The following RNF14 variants were observed in gnomAD, a reference collection of about 807,000 sequenced individuals.
RNF14 encodes ring finger protein 14.
Under a neutral mutation model 52.6 loss-of-function variants are expected in RNF14, and 26 were observed. That is an observed-to-expected ratio of 0.49 (90% CI 0.36 to 0.69). RNF14 has a LOEUF of 0.69. Among genes scored for constraint, RNF14 ranks in the 30% least tolerant of loss-of-function variants. The pLI, the probability that RNF14 is intolerant of heterozygous loss-of-function variation, is 0.00. For synonymous variants in RNF14, 194 were observed against 202.0 expected (o/e 0.96, Z 0.34); for missense variants, 404 against 560.4 (o/e 0.72, Z 2.82).
chr5:141,963,812 G>A (rs1050317935), upstream of RNF14, among the ~76,000 whole-genome samples: 1 of 152,144 alleles, frequency 6.6e-6, no homozygotes, highest in Non-Finnish European at 1.5e-5. Flanking sequence ...GGCTCTTGCA[G>A]GAAGGAAAAT....
chr5:141,978,347 C>A lies in RNF14; in HGVS notation c.351C>A (p.His117Gln), dbSNP rs758142751. The change falls in exon 5 of 9, where the codon CAC becomes CAA. Residue 117 changes from histidine (H) to glutamine (Q), a missense_variant. His to Gln is a conservative substitution (Grantham distance 24). Coordinates refer to ENST00000394520, the MANE Select transcript of RNF14 (RefSeq NM_004290.5). The part of the protein sequence containing the change: ...CKHLDNLWEE[H>Q]RGSVVLFAWM... Reference sequence around the variant, plus strand: ...ACTTAGACAACCTATGGGAAGAACACCGTGGCAGCGTGGTCCTGTTTGCCT... The same window carrying A: ...ACTTAGACAACCTATGGGAAGAACAACGTGGCAGCGTGGTCCTGTTTGCCT... 8.7e-6 allele frequency: 14 copies of A among 1,613,034 alleles called. No homozygotes were observed. Among genetic ancestry groups the A allele is most frequent in the Middle Eastern group, 1.6e-4 (1 of 6,080 alleles).
chr5:141,955,217 G>A (rs61737138), upstream of RNF14: 2 of 1,614,194 alleles, frequency 1.2e-6, no homozygotes, highest in East Asian at 2.2e-5. This position sits in a 1 kb window ranked among gnomAD's most constrained non-coding sequence, Gnocchi z 5.5. Flanking sequence ...ACCTTCAGAG[G>A]CCTGGAACGT....
Position 141,978,808 on chromosome 5 carries a change from C to T in RNF14, c.812C>T (p.Pro271Leu), listed in dbSNP as rs767213510. The T allele has an allele frequency of 5.0e-6, 8 of 1,613,774 alleles. No individual in the cohort carries two copies. The South Asian group carries it at 6.6e-5, about 13-fold the overall frequency. Residue 271 changes from proline (P) to leucine (L), a missense_variant, in exon 5 of 9, where the codon CCT (proline) becomes CTT (leucine). Physicochemically the swap from Pro to Leu is moderately conservative, Grantham distance 98. Transcript: ENST00000394520. The part of the protein sequence containing the change: ...QCLNCPEPKC[P>L]SVATPGQVKE... ...CTCAACTGCCCAGAACCAAAGTGCC[C>T]TTCGGTGGCCACTCCTGGTCAGGTA...
upstream of RNF14, chr5:141,955,330 A>G (rs771321515): frequency 9.3e-6 from 15 of 1,613,466 alleles, no homozygotes; most frequent in South Asian, 1.3e-4. The surrounding 1 kb of genome is among the most constrained non-coding windows in gnomAD (Gnocchi z 5.5). Context: ...GTCTTGCAGC[A>G]CCTCTCGGCT....
chr5:141,959,423 T>C (rs1178477993), intron 1 of RNF14, among the ~76,000 whole-genome samples: 1 of 152,086 alleles, frequency 6.6e-6, no homozygotes, highest in African/African-American at 2.4e-5. Flanking sequence ...CTTCTTATTG[T>C]GCCCTTCAGT....
At chr5:141,981,717 G>A (rs1170522444) in intron 6 of RNF14, 1 of 152,032 alleles carries the variant, frequency 6.6e-6, no homozygotes, top group Non-Finnish European at 1.5e-5. Context: ...ACGAGGTGTG[G>A]TGGTGCACAT....
At chr5:141,957,950 T>G (rs1753215944), upstream of RNF14, 1 of 1,398,170 alleles carries the variant, frequency 7.2e-7, no homozygotes, top group African/African-American at 1.4e-5. This position sits in a 1 kb window ranked among gnomAD's most constrained non-coding sequence, Gnocchi z 4.3. Context: ...AGCCCCGTGC[T>G]CCTTCCCCCA....
upstream of RNF14, chr5:141,958,082 G>T (rs1240814551): frequency 8.9e-6 from 5 of 558,798 alleles, no homozygotes; most frequent in Non-Finnish European, 1.6e-5. Flanking sequence ...AATTGCCAGG[G>T]GAGACCCCCT....
chr5:141,987,254 G>A (rs1274884290), intron 8 of RNF14, among the ~76,000 whole-genome samples: 3 of 152,178 alleles, frequency 2.0e-5, no homozygotes, highest in Admixed American at 2.0e-4. Context: ...GTTTCTCTGG[G>A]GTTCCCTTGG....
intron 1 of RNF14, among the ~76,000 whole-genome samples, chr5:141,970,137 T>A (rs1312300500): frequency 1.3e-5 from 2 of 152,210 alleles, no homozygotes; most frequent in Admixed American, 1.3e-4. Flanking sequence ...TTGATAGGAT[T>A]CTCCGTAGCC....
intron 8 of RNF14, 30 bp from the exon 9 acceptor site, chr5:141,987,703 A>G: frequency 6.2e-7 from 1 of 1,608,964 alleles, no homozygotes; most frequent in East Asian, 2.2e-5. Context: ...GTTCAAGTGT[A>G]TAAAAATGTA....
At chr5:141,955,652 C>T (rs1412540453), upstream of RNF14, 1 of 1,613,988 alleles carries the variant, frequency 6.2e-7, no homozygotes, top group Non-Finnish European at 8.5e-7. The surrounding 1 kb of genome is among the most constrained non-coding windows in gnomAD (Gnocchi z 5.5). Flanking sequence ...ATGAACAAAG[C>T]CAGGATCAAC....
upstream of RNF14, chr5:141,956,483 C>T (rs575958518): frequency 2.5e-6 from 4 of 1,614,202 alleles, no homozygotes; most frequent in South Asian, 4.4e-5. Context: ...AACACAGGTG[C>T]ATTGTCGTTG....
Position 141,984,911 on chromosome 5 carries a change from C to T in RNF14, c.1345C>T (p.Pro449Ser), listed in dbSNP as rs1213396099. The change falls in exon 8 of 9, where the codon CCT becomes TCT. Residue 449 changes from proline (P) to serine (S), a missense_variant. Coordinates refer to ENST00000394520, the MANE Select transcript of RNF14 (RefSeq NM_004290.5). ...RANPYKHFNDPGSPCFNRLFY... is the reference protein window; with the variant it reads ...RANPYKHFNDSGSPCFNRLFY... Reference sequence around the variant, plus strand: ...AAACCCTTACAAACATTTCAATGACCCTGGTTCACCATGTTTTAACCGGTA... The same window carrying T: ...AAACCCTTACAAACATTTCAATGACTCTGGTTCACCATGTTTTAACCGGTA... 1.2e-6 allele frequency: 2 copies of T among 1,613,796 alleles called. No individual in the cohort carries two copies. The highest frequency in any genetic ancestry group is 2.2e-5 in the East Asian group (1 of 44,846).
Position 141,978,301 on chromosome 5 carries a change from A to G in RNF14, c.307-2A>G. 6.4e-7 allele frequency: 1 copy of G among 1,563,640 alleles called. No individual in the cohort carries two copies. On this transcript the variant is annotated splice_acceptor_variant, in intron 4 of 8. Transcript: ENST00000394520. LOFTEE classifies it high-confidence loss of function. ...CCAACATCTTCATGTGTTTTCTCCT[A>G]GCTATCTGCTCTATGCAAGCACTTA...
chr5:141,957,677 G>A (rs1395450393), upstream of RNF14: 16 of 1,614,012 alleles, frequency 9.9e-6, no homozygotes, highest in Middle Eastern at 1.6e-4. This position sits in a 1 kb window ranked among gnomAD's most constrained non-coding sequence, Gnocchi z 4.3. Context: ...GCTTGCCTCC[G>A]CCTCTCCTCC....
chr5:141,969,658 G>A (rs1338535006), intron 1 of RNF14: 1 of 152,290 alleles, frequency 6.6e-6, no homozygotes, highest in Admixed American at 6.5e-5. Flanking sequence ...CTGAAATCTT[G>A]TAGGGTAGGT....
rs116346879 is a variant in RNF14, at chr5:141,977,714, T to C, written c.307-589T>C. ...AACCAGGATCTGATATAAGCCCAGA[T>C]TGCTTACTTAAAAGCAGCTTGTAAA... On this transcript the variant is annotated intron_variant, in intron 4 of 8. Transcript: ENST00000394520. Among the ~76,000 whole-genome samples, 1,470 of 152,344 alleles carry C rather than the reference T, an allele frequency of 9.6e-3. 16 individuals carry two copies. Among genetic ancestry groups the C allele is most frequent in the African/African-American group, 0.028 (1,170 of 41,582 alleles).
Position 141,973,593 on chromosome 5 carries a change from C to A in RNF14, c.5C>A (p.Ser2Ter). 6.2e-7 allele frequency: 1 copy of A among 1,608,014 alleles called. No individual in the cohort carries two copies. The highest frequency in any genetic ancestry group is 8.5e-7 in the Non-Finnish European group (1 of 1,178,360). The change falls in exon 3 of 9, where the codon TCG becomes TAG. Residue 2 changes from serine (S) to a stop codon, truncating the protein, a stop_gained. Coordinates refer to ENST00000394520, the MANE Select transcript of RNF14 (RefSeq NM_004290.5). LOFTEE classifies it high-confidence loss of function. ...TTTTAATGTTTTCAGGTCCTTATGT[C>A]GTCAGAAGATCGAGAAGCTCAGGAG... M[S>*]SEDREAQEDE... is the part of the protein sequence containing the mutation.
Sources: allele counts gnomAD v4.1 joint callset (sites outside exome capture counted in the v4.1 genomes callset), GRCh38; gene constraint gnomAD v4.1.1; non-coding constraint Gnocchi (gnomAD v3.1); transcripts MANE v1.5; gene names NCBI Gene and HGNC (gene_info 2026-07-23, HGNC 2026-07-21).